Variants in ACOT11 observed in about 807,000 individuals in gnomAD.
ACOT11 encodes acyl-coenzyme A thioesterase 11.
ACOT11 carries 69 observed loss-of-function variants against 77.5 expected under a neutral mutation model. That is an observed-to-expected ratio of 0.89 (90% confidence interval 0.73 to 1.09). ACOT11 has a LOEUF of 1.09. Among genes scored for constraint, ACOT11 ranks in the 50% least tolerant of loss-of-function variants. ACOT11 has a pLI of 0.00. For synonymous variants in ACOT11, 279 were observed against 313.0 expected (o/e 0.89, Z 1.15); for missense variants, 766 against 813.7 (o/e 0.94, Z 0.71).
At position 54,605,198 on chromosome 1, in the gene ACOT11, C is replaced by T; in HGVS notation, c.1359C>T (p.Asp453=). 1.2e-6 allele frequency: 2 copies of T among 1,613,290 alleles called. No individual in the cohort carries two copies. Among genetic ancestry groups the T allele is most frequent in the Non-Finnish European group, 1.7e-6 (2 of 1,179,990 alleles). ...ACCTGCGTCAGAGGCCAGAGTGGGACAAGCACTACCGGTGAGGGGCCAGGG... is the reference window on the plus strand; with the variant it reads ...ACCTGCGTCAGAGGCCAGAGTGGGATAAGCACTACCGGTGAGGGGCCAGGG... ...LSDLRQRPEW[D]KHYRSVELVQ... Residue 453 remains aspartate, a synonymous_variant, in exon 13 of 16, where the codon GAC becomes GAT. Coordinates refer to ENST00000343744, the MANE Select transcript of ACOT11 (RefSeq NM_147161.4).
intron 3 of ACOT11, among the ~76,000 whole-genome samples, chr1:54,587,902 T>C (rs1167211638): frequency 6.6e-6 from 1 of 151,912 alleles, no homozygotes; most frequent in Non-Finnish European, 1.5e-5. Flanking sequence ...TTTAAATTTA[T>C]AAAAACATTG....
chr1:54,579,100 T>C (rs1033965864), intron 1 of ACOT11, among the ~76,000 whole-genome samples: 4 of 152,228 alleles, frequency 2.6e-5, no homozygotes, highest in South Asian at 2.1e-4. Context: ...AATGAAGATA[T>C]GATCTGATAT....
At chr1:54,633,265 G>T (rs1449690004) in intron 16 of ACOT11, among the ~76,000 whole-genome samples, 1 of 152,178 alleles carries the variant, frequency 6.6e-6, no homozygotes, top group Non-Finnish European at 1.5e-5. Context: ...GAAATTAGTT[G>T]CTGAACAATT....
intron 15 of ACOT11, chr1:54,623,221 G>T (rs1644248181): frequency 1.7e-6 from 2 of 1,146,314 alleles, no homozygotes; most frequent in Admixed American, 1.7e-5. Flanking sequence ...GAGAAGTGGG[G>T]ATAAGGAGCG....
At chr1:54,550,204 G>T (rs536479980) in intron 1 of ACOT11, among the ~76,000 whole-genome samples, 1 of 152,142 alleles carries the variant, frequency 6.6e-6, no homozygotes, top group East Asian at 1.9e-4. Context: ...AGATGAAGGC[G>T]CAGATGTGGG....
At chr1:54,573,698 A>G (rs1569682211) in intron 1 of ACOT11, among the ~76,000 whole-genome samples, 1 of 152,242 alleles carries the variant, frequency 6.6e-6, no homozygotes, top group East Asian at 1.9e-4. Flanking sequence ...ACACCGCTGC[A>G]TTCCAGCCTG....
At chr1:54,625,423 A>C (rs1644265925) in intron 15 of ACOT11, among the ~76,000 whole-genome samples, 1 of 152,126 alleles carries the variant, frequency 6.6e-6, no homozygotes. Flanking sequence ...CTGCTCTCTC[A>C]GGCCACCCAC....
rs575629767 is a variant in ACOT11, at chr1:54,620,578, C to T, written c.1630-10156C>T. Reference sequence around the variant, plus strand: ...AAAATTAGCTGGATGGACGTGGTGGCAGGAGCCTGTAATCCCAGCACTTTG... The same window carrying T: ...AAAATTAGCTGGATGGACGTGGTGGTAGGAGCCTGTAATCCCAGCACTTTG... On this transcript the variant is annotated intron_variant, in intron 15 of 16. Coordinates refer to the ACOT11 transcript ENST00000371316. 1.2e-4 allele frequency among the ~76,000 whole-genome samples: 18 copies of T among 151,726 alleles called. No homozygotes were observed. In the East Asian group the frequency reaches 3.5e-3, roughly 30 times the overall value.
rs1557662357 is a variant in ACOT11, at chr1:54,599,352, G to A, written c.821G>A (p.Gly274Asp). ...GCCATTGAAATGTTCCACTTCCGAG[G>A]CCCGTCCCAGGTCGGCGACCGTCTG... ...LKAIEMFHFRGPSQVGDRLVL... is the reference protein window; with the variant it reads ...LKAIEMFHFRDPSQVGDRLVL... The change falls in exon 8 of 16, where the codon GGC becomes GAC. Residue 274 changes from glycine to aspartate, a missense_variant. Transcript: ENST00000343744. 1 of 1,608,920 alleles carries A rather than the reference G, an allele frequency of 6.2e-7. No homozygotes were observed. The highest frequency in any genetic ancestry group is 1.1e-5 in the South Asian group (1 of 90,592).
chr1:54,610,314 T>C lies in ACOT11; in HGVS notation c.*1202T>C, dbSNP rs1267253552. ...ATCCAGGGTATGGTGTAAATAAACC[T>C]GTGTTGCCATGGCAACAGAGACCGG... On this transcript the variant is annotated 3_prime_UTR_variant, in exon 16 of 16. Coordinates refer to ENST00000343744, the MANE Select transcript of ACOT11 (RefSeq NM_147161.4). The C allele has an allele frequency of 2.8e-5, 43 of 1,544,426 alleles. No homozygotes were observed. The highest frequency in any genetic ancestry group is 3.6e-5 in the Non-Finnish European group (41 of 1,147,372).
chr1:54,592,668 C>T lies in ACOT11; in HGVS notation c.372+62C>T. 1.9e-6 allele frequency: 3 copies of T among 1,555,166 alleles called. No homozygotes were observed. In the South Asian group the frequency reaches 3.5e-5, roughly 18 times the overall value. Reference sequence around the variant, plus strand: ...GGGTGGGTCCTCTACCTCCTCTCTCCATTCTTCTCCCTGCAGCCCAGGGCC... The same window carrying T: ...GGGTGGGTCCTCTACCTCCTCTCTCTATTCTTCTCCCTGCAGCCCAGGGCC... On this transcript the variant is annotated intron_variant, in intron 4 of 15. Coordinates refer to ENST00000343744, the MANE Select transcript of ACOT11 (RefSeq NM_147161.4).
At chr1:54,597,794 T>C in intron 7 of ACOT11, 1 of 211,962 alleles carries the variant, frequency 4.7e-6, no homozygotes, top group Non-Finnish European at 9.5e-6. Context: ...CCTTTGCTCC[T>C]GATGTAGCCT....
chr1:54,586,748 C>CT (rs1446137430), intron 3 of ACOT11, among the ~76,000 whole-genome samples: 4 of 151,914 alleles, frequency 2.6e-5, no homozygotes, highest in East Asian at 3.9e-4. Flanking sequence ...CTTTTCTTTT[C>CT]TTTCTTTTAA....
At chr1:54,593,399 C>G (rs1490097137) in intron 4 of ACOT11, among the ~76,000 whole-genome samples, 1 of 151,904 alleles carries the variant, frequency 6.6e-6, no homozygotes, top group South Asian at 2.1e-4. Flanking sequence ...GCCTCAGCCT[C>G]CTGAGTAGCT....
In ACOT11 at chr1:54,602,682, G is replaced by T; in HGVS notation, c.1043G>T (p.Arg348Leu). ...CTTCCTCCCCAGGATGGTGAGCGGC[G>T]GTACCGAGAGGCCAGTGCCAGAAAG... The part of the protein sequence containing the change: ...IRPQPGDGER[R>L]YREASARKKI... The change falls in exon 10 of 16, where the codon CGG becomes CTG. Residue 348 changes from arginine (R) to leucine (L), a missense_variant. By Grantham distance (102) the Arg-to-Leu change is moderately radical. Coordinates refer to ENST00000343744, the MANE Select transcript of ACOT11 (RefSeq NM_147161.4). 6.4e-7 allele frequency: 1 copy of T among 1,552,744 alleles called. No homozygotes were observed. The highest frequency in any genetic ancestry group is 8.7e-7 in the Non-Finnish European group (1 of 1,150,412).
chr1:54,595,591 G>A (rs1009651554), intron 6 of ACOT11, among the ~76,000 whole-genome samples: 4 of 152,088 alleles, frequency 2.6e-5, no homozygotes, highest in African/African-American at 7.2e-5. Context: ...TCTAAGCATA[G>A]CATGTATTAT....
chr1:54,559,413 C>T (rs1444785862), intron 1 of ACOT11, among the ~76,000 whole-genome samples: 3 of 152,216 alleles, frequency 2.0e-5, no homozygotes, highest in Non-Finnish European at 4.4e-5. Flanking sequence ...CTGCTCATCA[C>T]TCGGCCCGAT....
At chr1:54,562,434 G>A (rs1438160178) in intron 1 of ACOT11, among the ~76,000 whole-genome samples, 5 of 82,252 alleles carry the variant, frequency 6.1e-5, no homozygotes, top group Admixed American at 1.8e-4. Context: ...GCGGCTGGCC[G>A]GGCGGGGGGC....
In ACOT11 at chr1:54,621,188, G is replaced by A. The variant is rs974546236; in HGVS notation, c.1630-9546G>A. Among the ~76,000 whole-genome samples, 67 of 151,398 alleles carry A rather than the reference G, an allele frequency of 4.4e-4. 1 individual carries two copies. Among genetic ancestry groups the A allele is most frequent in the Non-Finnish European group, 7.9e-4 (54 of 67,948 alleles). On this transcript the variant is annotated intron_variant, in intron 15 of 16. Coordinates refer to the ACOT11 transcript ENST00000371316. ...AAAAAAAAAAAAACCTGCGCGCGGC[G>A]GCTGACGCCTGTAATCCCAGCACTT...
Sources: allele counts gnomAD v4.1 joint callset (sites outside exome capture counted in the v4.1 genomes callset), GRCh38; gene constraint gnomAD v4.1.1; transcripts MANE v1.5; gene names NCBI Gene and HGNC (gene_info 2026-07-23, HGNC 2026-07-21).